Variants in FMNL2 observed in about 807,000 individuals in gnomAD.
FMNL2 encodes formin like 2.
In FMNL2, 51 loss-of-function variants were observed where a neutral mutation model predicts 130.2. The ratio of observed to expected loss-of-function variants is 0.39; its 90% CI spans 0.31 to 0.49. The LOEUF is 0.49. FMNL2 is among the 20% of genes least tolerant of loss of function. The pLI, the probability that FMNL2 is intolerant of heterozygous loss-of-function variation, is 0.85. For synonymous variants in FMNL2, 465 were observed against 467.1 expected (o/e 1.00, Z 0.06); for missense variants, 977 against 1,316.2 (o/e 0.74, Z 3.99).
chr2:152,376,578 T>C (rs536523403), intron 1 of FMNL2, among the ~76,000 whole-genome samples: 3 of 152,192 alleles, frequency 2.0e-5, no homozygotes, highest in Non-Finnish European at 4.4e-5. Flanking sequence ...AGCTGTGCAG[T>C]GTGGCCTTGG....
intron 2 of FMNL2, among the ~76,000 whole-genome samples, chr2:152,527,715 T>C (rs1693465933): frequency 6.6e-6 from 1 of 152,142 alleles, no homozygotes; most frequent in South Asian, 2.1e-4. Context: ...GTGATATTAT[T>C]TTTGAGGCTC....
intron 1 of FMNL2, among the ~76,000 whole-genome samples, chr2:152,495,413 G>C (rs926469664): frequency 6.6e-6 from 1 of 151,974 alleles, no homozygotes; most frequent in Non-Finnish European, 1.5e-5. Flanking sequence ...ACTTTGGGAG[G>C]TTGAGATGGG....
chr2:152,518,690 C>T (rs1579863636), intron 1 of FMNL2, among the ~76,000 whole-genome samples: 1 of 152,158 alleles, frequency 6.6e-6, no homozygotes, highest in Non-Finnish European at 1.5e-5. Flanking sequence ...TAAGTCTAAC[C>T]AGTCAGTTTC....
intron 1 of FMNL2, among the ~76,000 whole-genome samples, chr2:152,367,803 G>C (rs1183014820): frequency 2.6e-5 from 4 of 152,144 alleles, no homozygotes; most frequent in Non-Finnish European, 5.9e-5. Context: ...TGCTCTCTTT[G>C]GGCAAGCTTC....
At chr2:152,429,871 C>T (rs970538210) in intron 1 of FMNL2, among the ~76,000 whole-genome samples, 1 of 152,146 alleles carries the variant, frequency 6.6e-6, no homozygotes, top group African/African-American at 2.4e-5. Flanking sequence ...GATAAATAAT[C>T]TGACATCTTG....
At chr2:152,342,247 G>C (rs1681854210) in intron 1 of FMNL2, among the ~76,000 whole-genome samples, 1 of 152,200 alleles carries the variant, frequency 6.6e-6, no homozygotes, top group South Asian at 2.1e-4. Flanking sequence ...GTTTAAGCAA[G>C]TAATAGATGT....
chr2:152,521,840 A>T, intron 1 of FMNL2, 103 bp from the exon 2 acceptor site: 1 of 855,628 alleles, frequency 1.2e-6, no homozygotes, highest in African/African-American at 1.7e-5. Flanking sequence ...AGAGAAAGTC[A>T]TGAAAAAACC....
At chr2:152,497,921 G>T (rs914445921) in intron 1 of FMNL2, among the ~76,000 whole-genome samples, 3 of 152,280 alleles carry the variant, frequency 2.0e-5, no homozygotes, top group Middle Eastern at 3.4e-3. Context: ...CATTGCTTGC[G>T]GTGGTTGCAC....
intron 21 of FMNL2, among the ~76,000 whole-genome samples, chr2:152,633,154 G>A (rs1190686366): frequency 6.6e-6 from 1 of 150,740 alleles, no homozygotes; most frequent in Non-Finnish European, 1.5e-5. Flanking sequence ...ACAGTGCAGT[G>A]ACATGATCAC....
At chr2:152,595,275 G>C (rs1697700746) in intron 9 of FMNL2, among the ~76,000 whole-genome samples, 1 of 152,160 alleles carries the variant, frequency 6.6e-6, no homozygotes, top group African/African-American at 2.4e-5. Flanking sequence ...AAAAGATAAT[G>C]ATCTTTTTGT....
At chr2:152,599,757 G>A (rs1697956680) in intron 9 of FMNL2, among the ~76,000 whole-genome samples, 1 of 152,180 alleles carries the variant, frequency 6.6e-6, no homozygotes, top group South Asian at 2.1e-4. Flanking sequence ...GAGTTGACTA[G>A]GTTATAGAAT....
At position 152,395,854 on chromosome 2, in the gene FMNL2, T is replaced by C. The variant is rs542128790; in HGVS notation, c.117+60134T>C. ...ACCAAATACCCAACTGTGAGATGAATAGGATAAATGAAGGTGGGAGTCGTA... is the reference window on the plus strand; with the variant it reads ...ACCAAATACCCAACTGTGAGATGAACAGGATAAATGAAGGTGGGAGTCGTA... On this transcript the variant is annotated intron_variant, in intron 1 of 25. Coordinates refer to ENST00000288670, the MANE Select transcript of FMNL2 (RefSeq NM_052905.4). Among the ~76,000 whole-genome samples the C allele has an allele frequency of 1.7e-3, 214 of 123,436 alleles. 1 individual carries two copies. The highest frequency in any genetic ancestry group is 6.7e-3 in the African/African-American group (205 of 30,782). The allele number at this position is 123,436 out of a possible 152,430, so 81.0% of individuals were successfully genotyped here. A position where few individuals can be genotyped will look rare whatever the true frequency, so the allele number is the denominator to read the frequency against.
intron 9 of FMNL2, among the ~76,000 whole-genome samples, chr2:152,595,553 A>T (rs1422395455): frequency 1.8e-4 from 28 of 152,132 alleles, no homozygotes; most frequent in Non-Finnish European, 2.9e-5. Flanking sequence ...TCCTGACCTC[A>T]AGTGATCTGC....
chr2:152,444,386 T>C (rs1381891324), intron 1 of FMNL2, among the ~76,000 whole-genome samples: 1 of 152,170 alleles, frequency 6.6e-6, no homozygotes, highest in African/African-American at 2.4e-5. Flanking sequence ...CAGCTTGATA[T>C]TTAGTCTGAT....
chr2:152,434,682 C>T lies in FMNL2; in HGVS notation c.118-87261C>T, dbSNP rs116014569. 5.2e-3 allele frequency among the ~76,000 whole-genome samples: 788 copies of T among 151,964 alleles called. 11 individuals carry two copies. The highest frequency in any genetic ancestry group is 0.018 in the African/African-American group (749 of 41,434). The stretch of plus-strand genomic sequence containing the variant: ...TTTTTAACTGGCCTACTCCTGCTTG[C>T]CCCAGAGGGCTGAGAATTGGTTTTT... On this transcript the variant is annotated intron_variant, in intron 1 of 25. Transcript: ENST00000288670.
At chr2:152,626,958 A>G (rs1681834567) in intron 17 of FMNL2, among the ~76,000 whole-genome samples, 1 of 152,260 alleles carries the variant, frequency 6.6e-6, no homozygotes, top group African/African-American at 2.4e-5. Context: ...GGAGTGTTGT[A>G]TTAGAACCAG....
intron 1 of FMNL2, among the ~76,000 whole-genome samples, chr2:152,448,098 T>C (rs1688447297): frequency 6.6e-6 from 1 of 152,090 alleles, no homozygotes; most frequent in African/African-American, 2.4e-5. Flanking sequence ...ACATGTTTTC[T>C]CCTATACCCA....
intron 1 of FMNL2, among the ~76,000 whole-genome samples, chr2:152,465,026 A>G (rs2105147292): frequency 6.6e-6 from 1 of 152,362 alleles, no homozygotes; most frequent in African/African-American, 2.4e-5. Context: ...ACAGCTTAGC[A>G]GGGAACTCAG....
intron 1 of FMNL2, among the ~76,000 whole-genome samples, chr2:152,519,009 T>G (rs1203411600): frequency 1.3e-5 from 2 of 152,174 alleles, no homozygotes; most frequent in Non-Finnish European, 2.9e-5. Context: ...TTTTTCTCAT[T>G]CCTTCTCTTT....
Sources: allele counts gnomAD v4.1 joint callset (sites outside exome capture counted in the v4.1 genomes callset), GRCh38; gene constraint gnomAD v4.1.1; transcripts MANE v1.5; gene names NCBI Gene and HGNC (gene_info 2026-07-23, HGNC 2026-07-21).